Variants in ARHGEF3 observed in about 807,000 individuals in gnomAD.
ARHGEF3 encodes the protein Rho guanine nucleotide exchange factor 3, also known as 59.8 kDA protein.
ARHGEF3 carries 28 observed loss-of-function variants against 63.2 expected under a neutral mutation model. That is an observed-to-expected ratio of 0.44 (90% CI 0.33 to 0.61). The LOEUF (loss-of-function observed/expected upper bound fraction) is 0.61, where lower values mean the gene tolerates loss of function less well. Ranked by LOEUF, ARHGEF3 falls within the 20% of genes least tolerant of loss-of-function variation. ARHGEF3 has a pLI of 0.03. For synonymous variants in ARHGEF3, 266 were observed against 254.2 expected (o/e 1.05, Z -0.44); for missense variants, 533 against 659.3 (o/e 0.81, Z 2.10).
chr3:57,023,856 G>A (rs1294432978), intron 2 of ARHGEF3, among the ~76,000 whole-genome samples: 1 of 152,184 alleles, frequency 6.6e-6, no homozygotes, highest in Non-Finnish European at 1.5e-5. Context: ...CACTGCCCTG[G>A]GAATAGCTTG....
intron 3 of ARHGEF3, among the ~76,000 whole-genome samples, chr3:56,896,533 C>T (rs1052803198): frequency 2.6e-5 from 4 of 152,132 alleles, no homozygotes; most frequent in Admixed American, 6.5e-5. Flanking sequence ...TATTGGTTTT[C>T]CTGGTCCAGA....
intron 2 of ARHGEF3, among the ~76,000 whole-genome samples, chr3:56,966,886 A>G (rs1700520344): frequency 2.0e-5 from 3 of 150,106 alleles, no homozygotes; most frequent in South Asian, 4.2e-4. Context: ...TTATTGAGAC[A>G]GAGTTTCACT....
intron 2 of ARHGEF3, among the ~76,000 whole-genome samples, chr3:57,023,024 C>T (rs966450273): frequency 1.8e-4 from 28 of 152,144 alleles, no homozygotes; most frequent in African/African-American, 6.8e-4. Flanking sequence ...TGTAAAACTC[C>T]ACCTGCTTAT....
At chr3:56,931,942 G>C (rs935610267) in intron 3 of ARHGEF3, among the ~76,000 whole-genome samples, 20 of 152,110 alleles carry the variant, frequency 1.3e-4, no homozygotes, top group African/African-American at 3.6e-4. Context: ...ATCCAAGTAA[G>C]ATTTATGGGG....
At chr3:56,885,290 T>C (rs755100108) in intron 3 of ARHGEF3, among the ~76,000 whole-genome samples, 2 of 152,154 alleles carry the variant, frequency 1.3e-5, no homozygotes, top group Non-Finnish European at 2.9e-5. Context: ...TGGGATGTTA[T>C]CTGTAGAGTA....
chr3:56,980,766 G>A (rs1025464595), intron 2 of ARHGEF3, among the ~76,000 whole-genome samples: 1 of 152,316 alleles, frequency 6.6e-6, no homozygotes, highest in African/African-American at 2.4e-5. Context: ...ATTTACAGAT[G>A]GGAAACTCAG....
At chr3:57,069,193 T>C (rs1210998609) in intron 1 of ARHGEF3, among the ~76,000 whole-genome samples, 2 of 152,190 alleles carry the variant, frequency 1.3e-5, no homozygotes, top group Non-Finnish European at 2.9e-5. Flanking sequence ...AGTGCTAGGA[T>C]TACAGGCGTG....
chr3:57,021,315 TAACAA>T (rs3037560), intron 2 of ARHGEF3, among the ~76,000 whole-genome samples: 48,578 of 151,742 alleles, frequency 0.32, 7,936 homozygotes, highest in African/African-American at 0.37. Context: ...AAGAAACTTT[TAACAA>T]AACAAGAATG....
intron 4 of ARHGEF3, 81 bp from the exon 5 acceptor site, chr3:56,751,477 G>C: frequency 8.6e-7 from 1 of 1,164,374 alleles, no homozygotes; most frequent in Non-Finnish European, 1.3e-6. Context: ...CTCCTGAGAG[G>C]TCCTATCCAA....
intron 2 of ARHGEF3, among the ~76,000 whole-genome samples, chr3:56,969,798 C>T (rs990045069): frequency 1.3e-5 from 2 of 148,570 alleles, no homozygotes; most frequent in African/African-American, 4.9e-5. Context: ...ACATATGAAA[C>T]GTTCATCAAC....
intron 3 of ARHGEF3, among the ~76,000 whole-genome samples, chr3:56,900,089 G>T (rs1055276396): frequency 2.0e-5 from 3 of 152,108 alleles, no homozygotes; most frequent in African/African-American, 4.8e-5. Flanking sequence ...AAGGCTGATG[G>T]ATCTGTTTCC....
intron 2 of ARHGEF3, among the ~76,000 whole-genome samples, chr3:57,022,697 G>C (rs1164530478): frequency 6.7e-6 from 1 of 149,832 alleles, no homozygotes; most frequent in Non-Finnish European, 1.5e-5. Flanking sequence ...AATCTCCCGA[G>C]ACTGCCCTGT....
chr3:56,841,573 GC>G (rs2039310429), intron 4 of ARHGEF3, among the ~76,000 whole-genome samples: 1 of 152,012 alleles, frequency 6.6e-6, no homozygotes, highest in Admixed American at 6.6e-5. Flanking sequence ...TTAAACATAA[GC>G]ACCCACAGTC....
At chr3:56,743,907 C>T (rs1359617874) in intron 7 of ARHGEF3, among the ~76,000 whole-genome samples, 1 of 152,046 alleles carries the variant, frequency 6.6e-6, no homozygotes, top group Non-Finnish European at 1.5e-5. Flanking sequence ...GTCCCTTGTT[C>T]TACCAAGAGT....
intron 2 of ARHGEF3, among the ~76,000 whole-genome samples, chr3:57,009,919 C>T (rs1702613797): frequency 1.3e-5 from 2 of 152,122 alleles, no homozygotes; most frequent in South Asian, 2.1e-4. Flanking sequence ...TGGGTATTCT[C>T]GTCATACCCA....
intron 4 of ARHGEF3, among the ~76,000 whole-genome samples, chr3:56,828,085 A>G (rs1257083210): frequency 1.3e-5 from 2 of 152,140 alleles, no homozygotes; most frequent in Non-Finnish European, 2.9e-5. Flanking sequence ...TTCATTTTAC[A>G]TACATTGTTA....
chr3:56,788,284 C>A (rs2036921563), intron 1 of ARHGEF3, among the ~76,000 whole-genome samples: 1 of 152,132 alleles, frequency 6.6e-6, no homozygotes, highest in Non-Finnish European at 1.5e-5. Flanking sequence ...CTGCCAAGCT[C>A]CCCAATGAAA....
chr3:56,920,758 A>G (rs1006152054), intron 3 of ARHGEF3, among the ~76,000 whole-genome samples: 1 of 152,212 alleles, frequency 6.6e-6, no homozygotes, highest in Non-Finnish European at 1.5e-5. Flanking sequence ...TAGTAAAAAA[A>G]TCTCATGGCC....
chr3:56,779,162 T>C (rs1169216962), intron 1 of ARHGEF3, among the ~76,000 whole-genome samples: 2 of 152,228 alleles, frequency 1.3e-5, no homozygotes, highest in Non-Finnish European at 2.9e-5. Context: ...GGGGAAACAT[T>C]TGACTTACTT....
Sources: allele counts gnomAD v4.1 joint callset (sites outside exome capture counted in the v4.1 genomes callset), GRCh38; gene constraint gnomAD v4.1.1; transcripts MANE v1.5; gene names NCBI Gene and HGNC (gene_info 2026-07-23, HGNC 2026-07-21).